Variants in GABRA5 observed in about 807,000 individuals in gnomAD.
GABRA5 encodes the protein gamma-aminobutyric acid type A receptor subunit alpha5.
GABRA5 carries 18 observed loss-of-function variants against 47.3 expected under a neutral mutation model. The observed-to-expected ratio is 0.38, with a 90% CI of 0.26 to 0.56. The LOEUF is 0.56. Among genes scored for constraint, GABRA5 ranks in the 20% least tolerant of loss-of-function variants. GABRA5 has a pLI of 0.71. For missense variants in GABRA5, 365 were observed against 599.3 expected, an observed-to-expected ratio of 0.61 and a Z score of 4.08; for synonymous variants, 237 against 229.3, an observed-to-expected ratio of 1.03 and a Z score of -0.30.
chr15:26,881,016 T>G (rs1388432767), intron 4 of GABRA5, 49 bp downstream of exon 4: 3 of 1,597,000 alleles, frequency 1.9e-6, no homozygotes, highest in Admixed American at 1.8e-5. Flanking sequence ...AGGAAGGGCT[T>G]AAGTCTCGTC....
intron 6 of GABRA5, among the ~76,000 whole-genome samples, chr15:26,907,249 A>C (rs1893466470): frequency 6.6e-6 from 1 of 152,252 alleles, no homozygotes; most frequent in African/African-American, 2.4e-5. Flanking sequence ...CTCTACAGTA[A>C]TATAAACCAA....
chr15:26,937,145 AT>A, intron 7 of GABRA5, 39 bp from the exon 8 acceptor site: 2 of 1,610,704 alleles, frequency 1.2e-6, no homozygotes, highest in Non-Finnish European at 1.7e-6. Flanking sequence ...GCTGGGAATG[AT>A]TTCATGTTTA....
At chr15:26,937,874 G>A (rs554120527) in intron 8 of GABRA5, among the ~76,000 whole-genome samples, 13 of 152,232 alleles carry the variant, frequency 8.5e-5, no homozygotes, top group Admixed American at 2.0e-4. Flanking sequence ...GAAACAGGAT[G>A]CATTGCATCT....
intron 6 of GABRA5, among the ~76,000 whole-genome samples, chr15:26,892,436 G>C (rs140183574): frequency 0.84 from 128,474 of 152,086 alleles, 54,654 homozygotes; most frequent in Non-Finnish European, 0.9. Flanking sequence ...CCAGCAGTGG[G>C]GGGGCTGCCT....
chr15:26,913,530 A>G (rs993847117), intron 6 of GABRA5, among the ~76,000 whole-genome samples: 5 of 152,224 alleles, frequency 3.3e-5, no homozygotes, highest in African/African-American at 9.6e-5. Context: ...TAGGCTAATC[A>G]GCGACATTCA....
intron 7 of GABRA5, among the ~76,000 whole-genome samples, chr15:26,933,507 T>C (rs1294525192): frequency 6.6e-6 from 1 of 152,172 alleles, no homozygotes. Flanking sequence ...GGGCAAACAG[T>C]CTTTTCTGCT....
rs932428378 is a variant in GABRA5 at position 26,867,184 on chromosome 15, C to CGCGGA, written c.-140+81_-140+85dup. 2.0e-5 allele frequency: 3 copies of CGCGGA among 148,466 alleles called. No homozygotes were observed. The highest frequency in any genetic ancestry group is 4.5e-5 in the Non-Finnish European group (3 of 66,542). The allele number at this position is 148,466 out of a possible 1,614,324, so 9.2% of individuals were successfully genotyped here. A position where few individuals can be genotyped will look rare whatever the true frequency, so the allele number is the denominator to read the frequency against. ...GGGCGGCGCGCGGCCCGGGGCGCGG[C>CGCGGA]GCGGAGCGGAGCTGCAGGGCGGCGG... On this transcript the variant is annotated intron_variant, in intron 1 of 10. Transcript: ENST00000335625. This position sits in a 1 kb window ranked among gnomAD's most constrained non-coding sequence, Gnocchi z 5.9.
At chr15:26,922,238 A>T (rs891488869) in intron 7 of GABRA5, among the ~76,000 whole-genome samples, 1 of 152,150 alleles carries the variant, frequency 6.6e-6, no homozygotes, top group South Asian at 2.1e-4. Context: ...TTTCAAGTAA[A>T]TCAATTTTTG....
intron 7 of GABRA5, among the ~76,000 whole-genome samples, chr15:26,928,022 T>C (rs1469007271): frequency 6.6e-6 from 1 of 152,218 alleles, no homozygotes; most frequent in African/African-American, 2.4e-5. Flanking sequence ...AAGCAAATAC[T>C]TAAACACAAC....
rs753995528 is a variant in GABRA5, at chr15:26,869,221, C to G, written c.-28C>G. 23 of 1,357,286 alleles carry G rather than the reference C, an allele frequency of 1.7e-5. No individual in the cohort carries two copies. The highest frequency in any genetic ancestry group is 2.4e-5 in the Non-Finnish European group (23 of 945,772). 84.1% of individuals were successfully genotyped at this position (1,357,286 alleles called of 1,614,324 possible). On this transcript the variant is annotated 5_prime_UTR_variant, in exon 3 of 11. Transcript: ENST00000335625. ...GGGAAGAGTTATTCCTCCATATTCA[C>G]CTGCTTCAACTACTATTCTTATTGG...
upstream of GABRA5, chr15:26,867,007 G>C (rs1892327267): frequency 6.6e-6 from 1 of 152,292 alleles, no homozygotes; most frequent in African/African-American, 2.4e-5. This position sits in a 1 kb window ranked among gnomAD's most constrained non-coding sequence, Gnocchi z 5.9. Context: ...CCTCCGCCCA[G>C]CTCGGCCAAG....
intron 8 of GABRA5, among the ~76,000 whole-genome samples, chr15:26,937,658 C>T (rs1595434835): frequency 6.6e-6 from 1 of 152,222 alleles, no homozygotes; most frequent in Non-Finnish European, 1.5e-5. Flanking sequence ...GCTTCCCCAC[C>T]TCCTGCTTTA....
At chr15:26,889,031 A>G (rs2140263855) in intron 6 of GABRA5, among the ~76,000 whole-genome samples, 1 of 152,366 alleles carries the variant, frequency 6.6e-6, no homozygotes, top group South Asian at 2.1e-4. Flanking sequence ...ACATTGTAGA[A>G]TGTTGACATT....
At chr15:26,886,563 T>C (rs1376042330) in intron 6 of GABRA5, among the ~76,000 whole-genome samples, 2 of 152,130 alleles carry the variant, frequency 1.3e-5, no homozygotes, top group Non-Finnish European at 2.9e-5. Context: ...TTAGGGGTGT[T>C]TGGTAACCAG....
chr15:26,943,727 C>T (rs556549633), intron 10 of GABRA5, among the ~76,000 whole-genome samples: 6 of 152,260 alleles, frequency 3.9e-5, no homozygotes, highest in African/African-American at 9.6e-5. Context: ...TCTGTTCTTA[C>T]GCTCATTTTA....
chr15:26,925,439 A>G (rs924480487), intron 7 of GABRA5, among the ~76,000 whole-genome samples: 3 of 152,198 alleles, frequency 2.0e-5, no homozygotes, highest in African/African-American at 7.2e-5. Flanking sequence ...TTCATTATTC[A>G]GTATACAATA....
intron 6 of GABRA5, among the ~76,000 whole-genome samples, chr15:26,885,034 C>T (rs999900651): frequency 3.0e-4 from 45 of 152,194 alleles, no homozygotes; most frequent in Middle Eastern, 3.4e-3. Context: ...CGGTGGCTCA[C>T]GCCTGTAATC....
chr15:26,905,200 G>T (rs1893416000), intron 6 of GABRA5, among the ~76,000 whole-genome samples: 1 of 151,940 alleles, frequency 6.6e-6, no homozygotes, highest in Admixed American at 6.6e-5. Flanking sequence ...TGCTCCCTCA[G>T]TGGCTGTTTA....
At chr15:26,909,015 ATAGT>A (rs1354105619) in intron 6 of GABRA5, among the ~76,000 whole-genome samples, 1 of 152,224 alleles carries the variant, frequency 6.6e-6, no homozygotes, top group Non-Finnish European at 1.5e-5. Flanking sequence ...AAATTACTAC[ATAGT>A]TAGTGACTTT....
Sources: allele counts gnomAD v4.1 joint callset (sites outside exome capture counted in the v4.1 genomes callset), GRCh38; gene constraint gnomAD v4.1.1; non-coding constraint Gnocchi (gnomAD v3.1); transcripts MANE v1.5; gene names NCBI Gene and HGNC (gene_info 2026-07-23, HGNC 2026-07-21).